The following PTDSS2 variants were observed in gnomAD, a reference collection of about 807,000 sequenced individuals.
PTDSS2 encodes the protein PSS-2.
In PTDSS2, 41 loss-of-function variants were observed where a neutral mutation model predicts 64.7. That is an observed-to-expected ratio of 0.63 (90% CI 0.49 to 0.82). The LOEUF is 0.82. Ranked by LOEUF, PTDSS2 falls within the 40% of genes least tolerant of loss-of-function variation. PTDSS2 has a pLI of 0.00. For synonymous variants in PTDSS2, 297 were observed against 277.8 expected, an observed-to-expected ratio of 1.07 and a Z score of -0.69; for missense variants, 485 against 650.0, an observed-to-expected ratio of 0.75 and a Z score of 2.76.
Position 490,786 on chromosome 11 carries a change from A to G in PTDSS2, c.*204A>G, listed in dbSNP as rs963842619. The G allele has an allele frequency of 1.7e-5, 10 of 596,084 alleles. No homozygotes were observed. The highest frequency in any genetic ancestry group is 5.6e-5 in the East Asian group (2 of 35,710). 36.9% of individuals were successfully genotyped at this position (596,084 alleles called of 1,614,324 possible). A position where few individuals can be genotyped will look rare whatever the true frequency, so the allele number is the denominator to read the frequency against. On this transcript the variant is annotated 3_prime_UTR_variant, in exon 12 of 12. Coordinates refer to ENST00000308020, the MANE Select transcript of PTDSS2 (RefSeq NM_030783.3). ...CATGTGTACACGTGTGTACGTGTGT[A>G]TGCGTGTGTGTACGCGTGTGTACGC...
At chr11:486,160 C>T (rs1263229094) in intron 4 of PTDSS2, among the ~76,000 whole-genome samples, 2 of 152,210 alleles carry the variant, frequency 1.3e-5, no homozygotes, top group African/African-American at 4.8e-5. Flanking sequence ...CCTCCCTTGA[C>T]GTCAGGCCCA....
Position 476,390 on chromosome 11 carries a change from T to G in PTDSS2, c.367+2413T>G, listed in dbSNP as rs368157216. On this transcript the variant is annotated intron_variant, in intron 3 of 11. Coordinates refer to ENST00000308020, the MANE Select transcript of PTDSS2 (RefSeq NM_030783.3). The surrounding 1 kb of genome is among the most constrained non-coding windows in gnomAD (Gnocchi z 4.9). ...CCTGGCGCGGTGATGGTGAGAAACT[T>G]CCCGGCACACAGTGAAAAGCCTGGT... Among the ~76,000 whole-genome samples, 2 of 152,044 alleles carry G rather than the reference T, an allele frequency of 1.3e-5. No individual in the cohort carries two copies. Among genetic ancestry groups the G allele is most frequent in the East Asian group, 3.9e-4 (2 of 5,186 alleles).
chr11:486,951 G>A lies in PTDSS2; in HGVS notation c.448G>A (p.Gly150Ser), dbSNP rs1848422894. The A allele has an allele frequency of 6.2e-7, 1 of 1,612,490 alleles. No individual in the cohort carries two copies. The highest frequency in any genetic ancestry group is 8.5e-7 in the Non-Finnish European group (1 of 1,179,588). The change falls in exon 5 of 12, where the codon GGC (glycine) becomes AGC (serine). Residue 150 changes from glycine to serine, a missense_variant. Physicochemically the swap from Gly to Ser is moderately conservative, Grantham distance 56. Transcript: ENST00000308020. ...ACTGGCCTTGCAGACTGTCCAGGACGGCCGGCAGTTTCTAAAGTATGTTGA... is the reference window on the plus strand; with the variant it reads ...ACTGGCCTTGCAGACTGTCCAGGACAGCCGGCAGTTTCTAAAGTATGTTGA... The part of the protein sequence containing the change: ...IFILFQTVQD[G>S]RQFLKYVDPK...
chr11:487,362 T>C (rs1022711641), intron 5 of PTDSS2, 58 bp from the exon 6 acceptor site: 12 of 1,475,656 alleles, frequency 8.1e-6, no homozygotes, highest in African/African-American at 1.4e-5. Context: ...GATCTGCCGG[T>C]GTGGGGAGTG....
In PTDSS2 at chr11:479,140, T is replaced by G; in HGVS notation, c.423T>G (p.Phe141Leu). ...TGGTCTACGAGCTGTTTCTCATCTT[T>G]ATACTCTTCCAGGTAAGCTGTTTTT... ...VSVVYELFLI[F>L]ILFQTVQDGR... The change falls in exon 4 of 12, where the codon TTT becomes TTG. Residue 141 changes from phenylalanine (F) to leucine (L), a missense_variant. Physicochemically the swap from Phe to Leu is conservative, Grantham distance 22. This residue lies in a region of PTDSS2 where 251 missense variants were observed against 348.0 expected (regional missense o/e 0.72). Transcript: ENST00000308020. The surrounding 1 kb of genome is among the most constrained non-coding windows in gnomAD (Gnocchi z 4.2). 6.2e-7 allele frequency: 1 copy of G among 1,614,028 alleles called. No homozygotes were observed. The highest frequency in any genetic ancestry group is 8.5e-7 in the Non-Finnish European group (1 of 1,179,852).
chr11:452,282 G>T (rs74045379), intron 1 of PTDSS2, among the ~76,000 whole-genome samples: 6,349 of 152,346 alleles, frequency 0.042, 167 homozygotes, highest in Middle Eastern at 0.092. Flanking sequence ...ACATAGCAGA[G>T]AACTAAACAA....
At chr11:488,140 C>A (rs11821959) in intron 6 of PTDSS2, 59 bp from the exon 7 acceptor site, 1 of 1,278,652 alleles carries the variant, frequency 7.8e-7, no homozygotes, top group Non-Finnish European at 1.1e-6. Context: ...TGCACGCACC[C>A]GTGGGCAGGG....
chr11:468,799 C>CTCTGGGTAATCGGAGGAGGGGAG (rs1316906105), intron 2 of PTDSS2, among the ~76,000 whole-genome samples: 1 of 117,420 alleles, frequency 8.5e-6, no homozygotes, highest in African/African-American at 3.4e-5. Context: ...GGAGGGGAGT[C>CTCTGGGTAATCGGAGGAGGGGAG]TCTGGGTAAT....
At chr11:482,505 G>A (rs975671261) in intron 4 of PTDSS2, among the ~76,000 whole-genome samples, 13 of 152,096 alleles carry the variant, frequency 8.5e-5, no homozygotes, top group African/African-American at 3.1e-4. Context: ...GTGGAGATGA[G>A]GTTTCGCCAT....
chr11:466,623 G>T (rs1847154449), intron 2 of PTDSS2, among the ~76,000 whole-genome samples: 1 of 151,986 alleles, frequency 6.6e-6, no homozygotes, highest in Admixed American at 6.5e-5. Flanking sequence ...TGGCCAGGTT[G>T]GTCTGAAACT....
Position 488,578 on chromosome 11 carries a change from T to G in PTDSS2, c.785T>G (p.Met262Arg). The G allele has an allele frequency of 6.2e-7, 1 of 1,613,540 alleles. No individual in the cohort carries two copies. The highest frequency in any genetic ancestry group is 8.5e-7 in the Non-Finnish European group (1 of 1,179,958). The change falls in exon 8 of 12, where the codon ATG (methionine) becomes AGG (arginine). Residue 262 changes from methionine (M) to arginine (R), a missense_variant. Around this residue, in one of 3 missense-constraint regions of PTDSS2, gnomAD observed 251 missense variants for 348.0 expected, o/e 0.72. Transcript: ENST00000308020. The stretch of plus-strand genomic sequence containing the variant: ...AACGGGCTGGGCATCTACTGCGGCA[T>G]GAAGACCCTTGAGTGGCTGTCCCTG... ...VCNGLGIYCGMKTLEWLSLKT... is the reference protein window; with the variant it reads ...VCNGLGIYCGRKTLEWLSLKT...
At position 460,120 on chromosome 11, in the gene PTDSS2, T is replaced by C; in HGVS notation, c.183-67T>C. The C allele has an allele frequency of 7.8e-7, 1 of 1,280,740 alleles. No homozygotes were observed. Among genetic ancestry groups the C allele is most frequent in the South Asian group, 1.2e-5 (1 of 82,388 alleles). 79.3% of individuals were successfully genotyped at this position (1,280,740 alleles called of 1,614,324 possible). A position where few individuals can be genotyped will look rare whatever the true frequency, so the allele number is the denominator to read the frequency against. On this transcript the variant is annotated intron_variant, in intron 1 of 11. Coordinates refer to ENST00000308020, the MANE Select transcript of PTDSS2 (RefSeq NM_030783.3). This position sits in a 1 kb window ranked among gnomAD's most constrained non-coding sequence, Gnocchi z 5.8. ...CTTGACGTAGAGAGGATTTGGGGCC[T>C]GTTACGTGAGTATTTAGCAATGCTG... is the stretch of plus-strand genomic sequence containing the variant.
rs896573383 is a variant in PTDSS2, at chr11:460,426, G to A, written c.284+138G>A. ...GCGTGGGGCCGCCGGCCTCTCCCTT[G>A]AGTGTGTCTGATGTGCAGACTCCAG... On this transcript the variant is annotated intron_variant, in intron 2 of 11. Transcript: ENST00000308020. This position sits in a 1 kb window ranked among gnomAD's most constrained non-coding sequence, Gnocchi z 5.8. 2 of 674,590 alleles carry A rather than the reference G, an allele frequency of 3.0e-6. No homozygotes were observed. The highest frequency in any genetic ancestry group is 2.7e-5 in the East Asian group (1 of 36,648). The allele number at this position is 674,590 out of a possible 1,614,324, so 41.8% of individuals were successfully genotyped here. A position where few individuals can be genotyped will look rare whatever the true frequency, so the allele number is the denominator to read the frequency against.
Position 450,473 on chromosome 11 carries a change from C to T in PTDSS2, c.18C>T (p.Arg6=). Residue 6 remains arginine (R), a synonymous_variant, in exon 1 of 12, where the codon CGC becomes CGT. Coordinates refer to ENST00000308020, the MANE Select transcript of PTDSS2 (RefSeq NM_030783.3). The part of the protein sequence containing the change: MRRGE[R]RDAGGPRPES... ...GAAACGCCATGCGGAGGGGCGAGCGCAGGGACGCCGGAGGTCCGCGGCCCG... is the reference window on the plus strand; with the variant it reads ...GAAACGCCATGCGGAGGGGCGAGCGTAGGGACGCCGGAGGTCCGCGGCCCG... 8.1e-7 allele frequency: 1 copy of T among 1,231,934 alleles called. No homozygotes were observed. Among genetic ancestry groups the T allele is most frequent in the Non-Finnish European group, 1.0e-6 (1 of 983,546 alleles). 76.3% of individuals were successfully genotyped at this position (1,231,934 alleles called of 1,614,324 possible).
chr11:474,041 G>A, intron 3 of PTDSS2, 64 bp downstream of exon 3: 1 of 1,332,736 alleles, frequency 7.5e-7, no homozygotes, highest in Non-Finnish European at 1.1e-6. Context: ...GCCACTCTGT[G>A]TCTGTGCTGC....
At chr11:453,402 G>C (rs1404838911) in intron 1 of PTDSS2, among the ~76,000 whole-genome samples, 4 of 152,218 alleles carry the variant, frequency 2.6e-5, no homozygotes, top group African/African-American at 4.8e-5. Flanking sequence ...AGCTTCGGAT[G>C]ACCACACTTG....
intron 4 of PTDSS2, among the ~76,000 whole-genome samples, chr11:480,918 T>C (rs924045542): frequency 2.0e-5 from 3 of 151,874 alleles, no homozygotes; most frequent in African/African-American, 7.3e-5. Context: ...CCGTCTCTAC[T>C]GAAAAATACT....
chr11:473,732 C>T (rs922130093), intron 2 of PTDSS2, among the ~76,000 whole-genome samples, 163 bp from the exon 3 acceptor site: 5 of 152,244 alleles, frequency 3.3e-5, no homozygotes, highest in Non-Finnish European at 5.9e-5. Context: ...GGTAGCTGGG[C>T]TTTCCCCGCG....
At chr11:465,428 C>T (rs1169442561) in intron 2 of PTDSS2, among the ~76,000 whole-genome samples, 1 of 152,188 alleles carries the variant, frequency 6.6e-6, no homozygotes, top group East Asian at 1.9e-4. Flanking sequence ...CTGCTTTGGC[C>T]TCCCAAACTG....
Sources: gnomAD v4.1 joint callset for allele counts (sites outside exome capture counted in the v4.1 genomes callset) on GRCh38, gnomAD v4.1.1 for gene constraint, gnomAD v4.1.1 regional missense constraint, Gnocchi (gnomAD v3.1) non-coding constraint, MANE v1.5 for transcripts, NCBI Gene and HGNC (gene_info 2026-07-23, HGNC 2026-07-21) for gene names.